Variants in PCDHA3 observed in about 807,000 individuals in gnomAD.
PCDHA3 encodes the protein protocadherin alpha 3, also known as protocadherin alpha-3.
PCDHA3 carries 41 observed loss-of-function variants against 62.2 expected under a neutral mutation model. The observed-to-expected ratio is 0.66, with a 90% CI of 0.51 to 0.86. PCDHA3 has a LOEUF of 0.86. Ranked by LOEUF, PCDHA3 falls within the 40% of genes least tolerant of loss-of-function variation. PCDHA3 has a pLI of 0.00. For missense variants in PCDHA3, 1,304 were observed against 1,241.2 expected (o/e 1.05, Z -0.76); for synonymous variants, 640 against 555.4 (o/e 1.15, Z -2.14).
chr5:140,964,949 G>A (rs1322269042), intron 1 of PCDHA3, among the ~76,000 whole-genome samples: 1 of 152,226 alleles, frequency 6.6e-6, no homozygotes, highest in Non-Finnish European at 1.5e-5. Flanking sequence ...TAGTGAGTGT[G>A]CTTGGTTGGT....
chr5:140,890,452 G>A (rs72800989), intron 1 of PCDHA3, among the ~76,000 whole-genome samples: 2,230 of 151,860 alleles, frequency 0.015, 28 homozygotes, highest in Non-Finnish European at 0.022. Context: ...GATATCTTTA[G>A]GCACAAATAT....
intron 1 of PCDHA3, among the ~76,000 whole-genome samples, chr5:140,833,911 A>T (rs1554134000): frequency 6.6e-6 from 1 of 152,184 alleles, no homozygotes; most frequent in African/African-American, 2.4e-5. Flanking sequence ...TTAAACTTGC[A>T]GTTGTTTAAA....
At position 141,009,699 on chromosome 5, in the gene PCDHA3, G is replaced by A. The variant is rs1554262287; in HGVS notation, c.2615G>A (p.Gly872Glu). Residue 872 changes from glycine to glutamate, a missense_variant, in exon 4 of 4, where the codon GGA becomes GAA. Gly to Glu is a moderately conservative substitution (Grantham distance 98, BLOSUM62 -2). Transcript: ENST00000522353. ...AGCAACAGCTGGACCTTTAAATACG[G>A]ACCAGGCAACCCCAAACAATCCGGT... Reference protein sequence around the residue: ...VNSNSWTFKYGPGNPKQSGPG... With the variant: ...VNSNSWTFKYEPGNPKQSGPG... 1 of 1,614,030 alleles carries A rather than the reference G, an allele frequency of 6.2e-7. No individual in the cohort carries two copies. The highest frequency in any genetic ancestry group is 8.5e-7 in the Non-Finnish European group (1 of 1,180,010).
intron 1 of PCDHA3, chr5:140,807,612 T>A: frequency 2.5e-6 from 4 of 1,614,130 alleles, no homozygotes; most frequent in Non-Finnish European, 3.4e-6. Flanking sequence ...AACCTGTCCA[T>A]CGCGGAATCC....
chr5:140,859,389 T>C (rs1554152298), intron 1 of PCDHA3: 1 of 268,430 alleles, frequency 3.7e-6, no homozygotes, highest in Non-Finnish European at 6.7e-6. Context: ...TCTCTAGTCA[T>C]CTTAAACAGG....
At chr5:140,960,922 G>C (rs562658138) in intron 1 of PCDHA3, among the ~76,000 whole-genome samples, 1 of 152,272 alleles carries the variant, frequency 6.6e-6, no homozygotes, top group East Asian at 1.9e-4. Flanking sequence ...ATAGAAAATT[G>C]GTACTAAGTT....
At chr5:140,810,169 G>A (rs1161211119) in intron 1 of PCDHA3, 1 of 152,360 alleles carries the variant, frequency 6.6e-6, no homozygotes, top group East Asian at 1.9e-4. Context: ...GTTGTTATAT[G>A]TAGTTGTAGT....
At chr5:140,937,500 C>T (rs2091549219) in intron 1 of PCDHA3, among the ~76,000 whole-genome samples, 1 of 152,024 alleles carries the variant, frequency 6.6e-6, no homozygotes, top group Admixed American at 6.6e-5. Context: ...ACCCGTAATC[C>T]CAGCTACTCA....
At chr5:140,937,009 C>A (rs1409113092) in intron 1 of PCDHA3, among the ~76,000 whole-genome samples, 11 of 151,930 alleles carry the variant, frequency 7.2e-5, no homozygotes, top group African/African-American at 1.9e-4. Context: ...AGACAGACAA[C>A]CGATTAACAA....
chr5:140,864,059 T>C (rs1371478916), intron 1 of PCDHA3: 1 of 152,732 alleles, frequency 6.5e-6, no homozygotes, highest in Non-Finnish European at 1.5e-5. Flanking sequence ...ACAGTCACCA[T>C]GAACATTCTT....
intron 1 of PCDHA3, chr5:140,851,093 TA>T: frequency 1.5e-6 from 2 of 1,294,092 alleles, no homozygotes; most frequent in Admixed American, 2.9e-5. Flanking sequence ...ATTAAATAGA[TA>T]TTTTTTGGGT....
At chr5:140,926,650 T>G (rs1014447499) in intron 1 of PCDHA3, 13 of 487,778 alleles carry the variant, frequency 2.7e-5, no homozygotes, top group Middle Eastern at 5.5e-4. Flanking sequence ...CCCGGCCGGC[T>G]CCGCTTTCCC....
intron 1 of PCDHA3, among the ~76,000 whole-genome samples, chr5:140,895,075 A>C (rs1309295177): frequency 6.6e-6 from 1 of 152,102 alleles, no homozygotes; most frequent in Admixed American, 6.5e-5. Flanking sequence ...AATTCCTATC[A>C]GTTCCTCCTC....
intron 1 of PCDHA3, among the ~76,000 whole-genome samples, chr5:140,820,831 T>G (rs1040425267): frequency 6.6e-6 from 1 of 152,078 alleles, no homozygotes; most frequent in South Asian, 2.1e-4. Context: ...GCTTTATCAG[T>G]AATAGCAACT....
chr5:140,928,939 T>C (rs367874769), intron 1 of PCDHA3: 1 of 1,614,130 alleles, frequency 6.2e-7, no homozygotes, highest in Non-Finnish European at 8.5e-7. Context: ...CCAGAACTTG[T>C]ATTTAGTAAT....
Position 140,802,799 on chromosome 5 carries a change from G to A in PCDHA3, c.1602G>A (p.Gln534=), listed in dbSNP as rs1203232637. ...DHEELELLQF[Q]VSARDAGVPP... ...AGGAGCTAGAGCTGCTGCAGTTCCAGGTGAGTGCGCGCGATGCGGGCGTGC... is the reference window on the plus strand; with the variant it reads ...AGGAGCTAGAGCTGCTGCAGTTCCAAGTGAGTGCGCGCGATGCGGGCGTGC... Residue 534 remains glutamine, a synonymous_variant, in exon 1 of 4, where the codon CAG becomes CAA. Transcript: ENST00000522353. 4.3e-6 allele frequency: 7 copies of A among 1,613,410 alleles called. No individual in the cohort carries two copies. The highest frequency in any genetic ancestry group is 2.2e-5 in the South Asian group (2 of 91,056).
rs1554124756 is a variant in PCDHA3 at position 140,808,750 on chromosome 5, G to A, written c.2394+5159G>A. On this transcript the variant is annotated intron_variant, in intron 1 of 3. Coordinates refer to ENST00000522353, the MANE Select transcript of PCDHA3 (RefSeq NM_018906.3). ...AGAGCGGCAAGGTGTACGCGCTGCAGCCGCTGGACCACGAGGAGCTAGAGC... is the reference window on the plus strand; with the variant it reads ...AGAGCGGCAAGGTGTACGCGCTGCAACCGCTGGACCACGAGGAGCTAGAGC... 13 of 1,612,220 alleles carry A rather than the reference G, an allele frequency of 8.1e-6. 1 individual carries two copies. Among genetic ancestry groups the A allele is most frequent in the Non-Finnish European group, 1.1e-5 (13 of 1,179,814 alleles).
intron 1 of PCDHA3, among the ~76,000 whole-genome samples, chr5:140,913,400 C>T (rs2076319870): frequency 6.6e-6 from 1 of 152,108 alleles, no homozygotes; most frequent in South Asian, 2.1e-4. Context: ...CACTAATGAT[C>T]CTTTGAATTC....
chr5:140,892,261 G>A (rs1221882386), intron 1 of PCDHA3, among the ~76,000 whole-genome samples: 1 of 152,020 alleles, frequency 6.6e-6, no homozygotes, highest in Admixed American at 6.6e-5. Context: ...CTTTGATTTT[G>A]TGCTGAAAGT....
Sources: allele counts gnomAD v4.1 joint callset (sites outside exome capture counted in the v4.1 genomes callset), GRCh38; gene constraint gnomAD v4.1.1; transcripts MANE v1.5; gene names NCBI Gene and HGNC (gene_info 2026-07-23, HGNC 2026-07-21).